Variants in LYRM4 observed in about 807,000 individuals in gnomAD.
The protein encoded by LYRM4 is LYR motif-containing protein 4.
LYRM4 carries 9 observed loss-of-function variants against 11.7 expected under a neutral mutation model. That is an observed-to-expected ratio of 0.77 (90% CI 0.46 to 1.34). The LOEUF is 1.34. LYRM4 is among the 40% of genes most tolerant of loss of function. The probability of loss-of-function intolerance (pLI) is 0.00; values close to 1 mark genes in which losing one functional copy is unlikely to be tolerated. For missense variants in LYRM4, 133 were observed against 112.5 expected, an observed-to-expected ratio of 1.18 and a Z score of -0.82; for synonymous variants, 42 against 40.4, an observed-to-expected ratio of 1.04 and a Z score of -0.15.
chr6:5,084,319 G>A, the LYRM4 span, among the ~76,000 whole-genome samples: 7 of 152,304 alleles, frequency 4.6e-5, no homozygotes, highest in East Asian at 9.7e-4. Context: ...CCTCAGGTTC[G>A]GGCCTTGGCC....
intron 1 of LYRM4, among the ~76,000 whole-genome samples, chr6:5,259,087 T>TTA (rs70974185): frequency 0.28 from 42,156 of 152,030 alleles, 7,175 homozygotes; most frequent in African/African-American, 0.48. Context: ...CTTGTCCAAG[T>TTA]TAGTCTTCGA....
downstream of LYRM4, chr6:5,103,987 C>CAAA (rs34084655): frequency 3.7e-5 from 4 of 107,092 alleles, no homozygotes; most frequent in African/African-American, 1.2e-4. Context: ...AAGTACTTAG[C>CAAA]AAAAAAAAAA....
Position 5,216,737 on chromosome 6 carries a change from T to C in LYRM4, c.88A>G (p.Thr30Ala), listed in dbSNP as rs1762293682. The C allele has an allele frequency of 6.2e-7, 1 of 1,611,398 alleles. No homozygotes were observed. The highest frequency in any genetic ancestry group is 1.7e-5 in the Admixed American group (1 of 59,642). ...SKRFSAYNYRTYAVRRIRDAF... is the reference protein window; with the variant it reads ...SKRFSAYNYRAYAVRRIRDAF... ...TCTCTTATCCTCCTGACAGCATATG[T>C]TCTAAATGAATTCAGAGGAAAAAAA... Residue 30 changes from threonine (T) to alanine (A), a missense_variant and splice_region_variant, in exon 2 of 3, where the codon ACA (threonine) becomes GCA (alanine). Thr to Ala is a moderately conservative substitution (Grantham distance 58). Coordinates refer to ENST00000330636, the MANE Select transcript of LYRM4 (RefSeq NM_020408.6).
intron 1 of LYRM4, among the ~76,000 whole-genome samples, chr6:5,259,838 CAG>C (rs998674932): frequency 2.0e-5 from 3 of 151,962 alleles, no homozygotes; most frequent in African/African-American, 7.3e-5. Context: ...AAAAAAAATG[CAG>C]AGAGAGAATC....
chr6:5,073,500 AT>A, the LYRM4 span, among the ~76,000 whole-genome samples: 1 of 148,178 alleles, frequency 6.7e-6, no homozygotes, highest in Non-Finnish European at 1.5e-5. Flanking sequence ...ATATATCTCT[AT>A]ATATATCTCT....
chr6:5,101,864 T>C (rs764851318), downstream of LYRM4, among the ~76,000 whole-genome samples: 3 of 151,892 alleles, frequency 2.0e-5, no homozygotes, highest in Non-Finnish European at 4.4e-5. Flanking sequence ...GGTGCAATCA[T>C]GGCTCACTTG....
the LYRM4 span, among the ~76,000 whole-genome samples, chr6:5,059,646 A>G: frequency 6.6e-6 from 1 of 152,156 alleles, no homozygotes; most frequent in South Asian, 2.1e-4. Flanking sequence ...AGTTCATTGA[A>G]TCATCCTAAA....
intron 2 of LYRM4, among the ~76,000 whole-genome samples, chr6:5,143,913 C>T (rs773773008): frequency 2.0e-5 from 3 of 152,218 alleles, no homozygotes; most frequent in Non-Finnish European, 2.9e-5. Context: ...TTGGATTCTG[C>T]TCAATGTTAT....
chr6:5,235,520 T>C (rs1455659880), intron 1 of LYRM4, among the ~76,000 whole-genome samples: 1 of 152,232 alleles, frequency 6.6e-6, no homozygotes, highest in Non-Finnish European at 1.5e-5. Context: ...AATCACATGC[T>C]TATCTTTTCT....
chr6:5,106,770 C>T (rs1762676089), downstream of LYRM4: 1 of 152,266 alleles, frequency 6.6e-6, no homozygotes, highest in South Asian at 2.1e-4. Flanking sequence ...GATAGTAGTT[C>T]TCATTTGCTC....
At chr6:5,150,752 T>A (rs2127639177) in intron 2 of LYRM4, among the ~76,000 whole-genome samples, 1 of 152,334 alleles carries the variant, frequency 6.6e-6, no homozygotes, top group African/African-American at 2.4e-5. Context: ...CTCTGACTAC[T>A]ATCTTGAGTT....
intron 2 of LYRM4, among the ~76,000 whole-genome samples, chr6:5,153,864 CAG>C (rs1417279171): frequency 6.6e-6 from 1 of 152,134 alleles, no homozygotes; most frequent in Non-Finnish European, 1.5e-5. Flanking sequence ...AAACAGCAAA[CAG>C]AGAGCCCGTC....
At chr6:5,251,819 G>A (rs1764442652) in intron 1 of LYRM4, among the ~76,000 whole-genome samples, 1 of 152,204 alleles carries the variant, frequency 6.6e-6, no homozygotes, top group Admixed American at 6.5e-5. Context: ...CCGCAACAAG[G>A]AAAACATGTG....
intron 2 of LYRM4, among the ~76,000 whole-genome samples, chr6:5,118,653 T>C (rs1763258246): frequency 6.6e-6 from 1 of 152,194 alleles, no homozygotes; most frequent in Non-Finnish European, 1.5e-5. Flanking sequence ...TCACCAGCGA[T>C]AAAAGCTTAT....
intron 2 of LYRM4, among the ~76,000 whole-genome samples, chr6:5,173,121 G>A (rs1759522851): frequency 6.6e-6 from 1 of 152,146 alleles, no homozygotes; most frequent in Non-Finnish European, 1.5e-5. Context: ...CTCTTTAACT[G>A]CTAATGACTT....
At chr6:5,140,034 G>A (rs147404177) in intron 2 of LYRM4, among the ~76,000 whole-genome samples, 26 of 151,892 alleles carry the variant, frequency 1.7e-4, no homozygotes, top group African/African-American at 5.6e-4. Flanking sequence ...AGGAGTTCGA[G>A]ACCAGCCTGG....
chr6:5,187,501 T>C (rs1486702372), intron 2 of LYRM4, among the ~76,000 whole-genome samples: 1 of 151,810 alleles, frequency 6.6e-6, no homozygotes, highest in Non-Finnish European at 1.5e-5. Flanking sequence ...ACTATCACAA[T>C]GACAGAAAAC....
At chr6:5,144,294 G>T (rs764596809) in intron 2 of LYRM4, 1 of 1,536,620 alleles carries the variant, frequency 6.5e-7, no homozygotes, top group Non-Finnish European at 8.7e-7. Flanking sequence ...TCTTGGGTGA[G>T]GGCTAGCCTC....
At position 5,144,246 on chromosome 6, in the gene LYRM4, G is replaced by A. The variant is rs1192027371; in HGVS notation, c.208-34755C>T. On this transcript the variant is annotated intron_variant, in intron 2 of 2. Transcript: ENST00000330636. ...GTTCCCCGACTTCCTCCTGGCGGCT[G>A]TGCCTTGCTCAGCTACCTGCACTGA... The A allele has an allele frequency of 2.6e-6, 4 of 1,536,978 alleles. No individual in the cohort carries two copies. The South Asian group carries it at 3.6e-5, about 14-fold the overall frequency.
Sources: allele counts gnomAD v4.1 joint callset (sites outside exome capture counted in the v4.1 genomes callset), GRCh38; gene constraint gnomAD v4.1.1; transcripts MANE v1.5; gene names NCBI Gene and HGNC (gene_info 2026-07-23, HGNC 2026-07-21).